Variants in TENM2 observed in about 807,000 individuals in gnomAD.
The protein encoded by TENM2 is teneurin transmembrane protein 2.
Under a neutral mutation model 245.2 loss-of-function variants are expected in TENM2, and 52 were observed. The ratio of observed to expected loss-of-function variants is 0.21; its 90% CI spans 0.17 to 0.27. TENM2 has a LOEUF of 0.27. TENM2 is among the 10% of genes least tolerant of loss of function. The pLI is 1.00. For synonymous variants in TENM2, 1,363 were observed against 1,438.9 expected, an observed-to-expected ratio of 0.95 and a Z score of 1.19; for missense variants, 3,046 against 3,666.8, an observed-to-expected ratio of 0.83 and a Z score of 4.37.
At chr5:167,071,735 C>T in the TENM2 span, among the ~76,000 whole-genome samples, 2 of 152,096 alleles carry the variant, frequency 1.3e-5, no homozygotes, top group African/African-American at 4.8e-5. Flanking sequence ...TAGGCATTGG[C>T]TTCCCATTTT....
intron 25 of TENM2, among the ~76,000 whole-genome samples, chr5:168,237,186 T>G (rs1447732403): frequency 6.8e-6 from 1 of 147,594 alleles, no homozygotes; most frequent in African/African-American, 2.5e-5. Flanking sequence ...CAGCTAATTT[T>G]TGTGTTTTCT....
chr5:166,984,369 CT>C, the TENM2 span, among the ~76,000 whole-genome samples: 4 of 152,014 alleles, frequency 2.6e-5, no homozygotes, highest in African/African-American at 9.7e-5. Flanking sequence ...CTGGAGGATT[CT>C]CTTGGAAAAA....
At chr5:167,942,682 T>C (rs1395387708) in intron 3 of TENM2, among the ~76,000 whole-genome samples, 1 of 152,148 alleles carries the variant, frequency 6.6e-6, no homozygotes, top group Non-Finnish European at 1.5e-5. Flanking sequence ...AGGTTTCTCC[T>C]CTAAGCCTGC....
rs568715562 is a variant in TENM2, at chr5:167,319,977, C to CA, written c.226+34915dup. Among the ~76,000 whole-genome samples, 20 of 152,250 alleles carry CA rather than the reference C, an allele frequency of 1.3e-4. 1 individual carries two copies. In the South Asian group the frequency reaches 3.9e-3, roughly 30 times the overall value. On this transcript the variant is annotated intron_variant, in intron 1 of 28. Coordinates refer to ENST00000518659, the Ensembl canonical transcript of TENM2. ...TGGTGTATGTCAGGCACTCTACTAG[C>CA]AGTAATGATAGTTAATATGTGTTGA...
chr5:167,640,256 A>G (rs1052752000), intron 2 of TENM2, among the ~76,000 whole-genome samples: 41 of 152,340 alleles, frequency 2.7e-4, no homozygotes, highest in Middle Eastern at 3.4e-3. Flanking sequence ...TATGGATAGT[A>G]GTCATATACT....
chr5:167,447,853 T>C (rs1251921976), intron 2 of TENM2, among the ~76,000 whole-genome samples: 1 of 152,180 alleles, frequency 6.6e-6, no homozygotes, highest in African/African-American at 2.4e-5. Flanking sequence ...GCATCTCTCA[T>C]TGTGACAGAG....
the TENM2 span, among the ~76,000 whole-genome samples, chr5:167,210,010 C>T: frequency 6.6e-6 from 1 of 152,192 alleles, no homozygotes; most frequent in Non-Finnish European, 1.5e-5. Flanking sequence ...TCTTAAATTC[C>T]ATCCTGTGAA....
At chr5:167,549,992 C>CG (rs1399880767) in intron 2 of TENM2, among the ~76,000 whole-genome samples, 1 of 152,066 alleles carries the variant, frequency 6.6e-6, no homozygotes, top group African/African-American at 2.4e-5. Flanking sequence ...TTTTGTGCTG[C>CG]GATGTGGTGA....
intron 5 of TENM2, among the ~76,000 whole-genome samples, chr5:168,036,734 C>CGTATGTGTATATATATAT (rs1369172278): frequency 2.4e-5 from 2 of 84,744 alleles, no homozygotes; most frequent in East Asian, 3.1e-4. Context: ...TATATATATA[C>CGTATGTGTATATATATAT]GTATGTGTAT....
intron 2 of TENM2, among the ~76,000 whole-genome samples, chr5:167,501,421 C>G (rs1769204275): frequency 6.6e-6 from 1 of 152,084 alleles, no homozygotes; most frequent in African/African-American, 2.4e-5. Context: ...TAGAAGGCAC[C>G]CAACAAGACA....
At chr5:167,132,241 C>T in the TENM2 span, among the ~76,000 whole-genome samples, 10 of 152,118 alleles carry the variant, frequency 6.6e-5, no homozygotes, top group African/African-American at 1.7e-4. Flanking sequence ...TTTATGTATG[C>T]GTACACCTAT....
At chr5:167,823,515 A>C (rs1767712534) in intron 2 of TENM2, among the ~76,000 whole-genome samples, 1 of 152,188 alleles carries the variant, frequency 6.6e-6, no homozygotes, top group South Asian at 2.1e-4. Flanking sequence ...AATGCTGTAT[A>C]AAACACAATG....
At chr5:168,262,413 T>C in exon 29 of TENM2, 1 of 1,585,094 alleles carries the variant, frequency 6.3e-7, no homozygotes, top group Non-Finnish European at 8.6e-7. Context: ...CGCAAGGTGC[T>C]AGAGAGCGGG....
the TENM2 span, among the ~76,000 whole-genome samples, chr5:167,101,545 C>A: frequency 6.6e-6 from 1 of 152,082 alleles, no homozygotes; most frequent in African/African-American, 2.4e-5. Flanking sequence ...CTCCCATCTC[C>A]TTGATCTGGG....
Position 168,047,300 on chromosome 5 carries a change from G to A in TENM2, c.1187-127G>A. 5 of 1,084,488 alleles carry A rather than the reference G, an allele frequency of 4.6e-6. 1 individual carries two copies. The South Asian group carries it at 7.4e-5, about 16-fold the overall frequency. 67.2% of individuals were successfully genotyped at this position (1,084,488 alleles called of 1,614,324 possible). ...TATTTAGCTAATCCCTGTGGCCTGG[G>A]GCAAGCCATTTTTGACGCAGCTTCC... On this transcript the variant is annotated intron_variant, in intron 5 of 28. Transcript: ENST00000518659.
chr5:167,036,755 C>T, the TENM2 span, among the ~76,000 whole-genome samples: 4 of 152,238 alleles, frequency 2.6e-5, no homozygotes, highest in East Asian at 3.9e-4. Flanking sequence ...TAGTTGTCTG[C>T]GTAATCAGTT....
intron 13 of TENM2, among the ~76,000 whole-genome samples, chr5:168,173,903 T>C (rs1295770551): frequency 6.6e-6 from 1 of 152,228 alleles, no homozygotes; most frequent in East Asian, 1.9e-4. Context: ...GGAAAAGCAT[T>C]GTGAACGAAG....
At chr5:167,459,059 A>T (rs1766117678) in intron 2 of TENM2, among the ~76,000 whole-genome samples, 1 of 152,190 alleles carries the variant, frequency 6.6e-6, no homozygotes, top group South Asian at 2.1e-4. Flanking sequence ...GTACAGTCAC[A>T]TTGTTGTGCC....
chr5:167,467,660 A>C (rs1766753959), intron 2 of TENM2, among the ~76,000 whole-genome samples: 1 of 152,178 alleles, frequency 6.6e-6, no homozygotes, highest in Non-Finnish European at 1.5e-5. Flanking sequence ...TACAGTGAAA[A>C]TAGGACTGGA....
Sources: allele counts gnomAD v4.1 joint callset (sites outside exome capture counted in the v4.1 genomes callset), GRCh38; gene constraint gnomAD v4.1.1; transcripts MANE v1.5; gene names NCBI Gene and HGNC (gene_info 2026-07-23, HGNC 2026-07-21).